The following MBD5 variants were observed in gnomAD, a reference collection of about 807,000 sequenced individuals.
MBD5 encodes methyl-CpG-binding domain protein 5.
In MBD5, 13 loss-of-function variants were observed where a neutral mutation model predicts 117.3. The ratio of observed to expected loss-of-function variants is 0.11; its 90% CI spans 0.07 to 0.18. The LOEUF is 0.18. MBD5 is among the 10% of genes least tolerant of loss of function. MBD5 has a pLI of 1.00. For synonymous variants in MBD5, 727 were observed against 766.4 expected, an observed-to-expected ratio of 0.95 and a Z score of 0.85; for missense variants, 1,879 against 2,093.8, an observed-to-expected ratio of 0.90 and a Z score of 2.00.
intron 3 of MBD5, among the ~76,000 whole-genome samples, chr2:148,323,196 T>G (rs1418746101): frequency 1.3e-5 from 2 of 152,112 alleles, no homozygotes; most frequent in African/African-American, 2.4e-5. Flanking sequence ...TATGGCTGCA[T>G]AGTATTCCAT....
At chr2:148,091,685 G>A (rs1663807675) in intron 1 of MBD5, among the ~76,000 whole-genome samples, 1 of 152,044 alleles carries the variant, frequency 6.6e-6, no homozygotes, top group African/African-American at 2.4e-5. Context: ...TTAAATATAA[G>A]ACCTGAAACC....
chr2:148,314,570 G>A (rs568054848), intron 3 of MBD5, among the ~76,000 whole-genome samples: 1 of 151,936 alleles, frequency 6.6e-6, no homozygotes, highest in African/African-American at 2.4e-5. Context: ...TAGAGATGGG[G>A]TTTCACCATT....
chr2:148,234,568 C>A (rs1700052693), intron 3 of MBD5, among the ~76,000 whole-genome samples: 1 of 152,124 alleles, frequency 6.6e-6, no homozygotes, highest in South Asian at 2.1e-4. Flanking sequence ...ACAATTATAA[C>A]AATAGTATTA....
intron 4 of MBD5, among the ~76,000 whole-genome samples, chr2:148,445,839 A>T (rs1437553123): frequency 6.6e-6 from 1 of 151,428 alleles, no homozygotes; most frequent in Admixed American, 6.6e-5. Context: ...AACTGGTGTG[A>T]GATGGTATCT....
At chr2:148,181,236 A>G (rs1373430102) in intron 2 of MBD5, among the ~76,000 whole-genome samples, 1 of 152,162 alleles carries the variant, frequency 6.6e-6, no homozygotes, top group African/African-American at 2.4e-5. Flanking sequence ...CTACATGGTA[A>G]TCCACAGTAT....
chr2:148,296,627 T>C, intron 3 of MBD5: 1 of 173,438 alleles, frequency 5.8e-6, no homozygotes, highest in Admixed American at 6.0e-5. Context: ...AATCTCTTTC[T>C]CTAATGCTGA....
At chr2:148,328,549 C>T (rs960597651) in intron 3 of MBD5, among the ~76,000 whole-genome samples, 3 of 152,228 alleles carry the variant, frequency 2.0e-5, no homozygotes, top group Admixed American at 1.3e-4. Flanking sequence ...CCTGGTGCAC[C>T]GCTTTTTAAG....
At chr2:148,313,806 G>A (rs1388890401) in intron 3 of MBD5, among the ~76,000 whole-genome samples, 1 of 152,184 alleles carries the variant, frequency 6.6e-6, no homozygotes, top group East Asian at 1.9e-4. Flanking sequence ...TGCAGGTTGT[G>A]AAGACCATGG....
Position 148,469,278 on chromosome 2 carries a change from G to A in MBD5, c.1335G>A (p.Met445Ile). 2 of 1,613,912 alleles carry A rather than the reference G, an allele frequency of 1.2e-6. No homozygotes were observed. Among genetic ancestry groups the A allele is most frequent in the East Asian group, 2.2e-5 (1 of 44,834 alleles). ...CTCCAGTGACATCCCCCGTGCACAT[G>A]ATGGGGACTGGAATTGGAAGGATTG... The part of the protein sequence containing the change: ...SPSPVTSPVH[M>I]MGTGIGRIEA... The change falls in exon 8 of 14, where the codon ATG becomes ATA. Residue 445 changes from methionine (M) to isoleucine (I), a missense_variant. By Grantham distance (10) the Met-to-Ile change is conservative. Around this residue, in one of 4 missense-constraint regions of MBD5, gnomAD observed 1,666 missense variants for 1,792.2 expected, o/e 0.93. Coordinates refer to ENST00000642680, the MANE Select transcript of MBD5 (RefSeq NM_001378120.1).
At chr2:148,317,277 G>A (rs535941692) in intron 3 of MBD5, among the ~76,000 whole-genome samples, 4 of 152,214 alleles carry the variant, frequency 2.6e-5, no homozygotes, top group Admixed American at 2.6e-4. Context: ...GCTGAGGCAG[G>A]AGAATCACTT....
At chr2:148,081,934 T>C (rs1695657815) in intron 1 of MBD5, among the ~76,000 whole-genome samples, 1 of 152,234 alleles carries the variant, frequency 6.6e-6, no homozygotes, top group Non-Finnish European at 1.5e-5. Flanking sequence ...GTAAGTAATC[T>C]TGCCCATAGC....
At chr2:148,498,329 G>T (rs940047655) in intron 11 of MBD5, among the ~76,000 whole-genome samples, 1 of 152,156 alleles carries the variant, frequency 6.6e-6, no homozygotes, top group Non-Finnish European at 1.5e-5. Flanking sequence ...CTATTTAAAA[G>T]TGATCTAGGA....
intron 3 of MBD5, chr2:148,296,014 AC>A (rs765134515): frequency 1.8e-5 from 3 of 162,986 alleles, no homozygotes; most frequent in Non-Finnish European, 2.7e-5. Flanking sequence ...GTTGCTAAAA[AC>A]CCTTAAACAG....
At chr2:148,136,639 C>G (rs1464631092) in intron 1 of MBD5, among the ~76,000 whole-genome samples, 1 of 152,192 alleles carries the variant, frequency 6.6e-6, no homozygotes, top group Non-Finnish European at 1.5e-5. Context: ...AATAAAGTTA[C>G]TTGGCTAACA....
In MBD5 at chr2:148,240,163, G is replaced by A. The variant is rs531046802; in HGVS notation, c.-680+6768G>A. 4.5e-4 allele frequency among the ~76,000 whole-genome samples: 68 copies of A among 152,160 alleles called. No individual in the cohort carries two copies. The Middle Eastern group carries it at 0.017, about 38-fold the overall frequency. ...ACCATTATTCTGAGCAAACTATCGC[G>A]AGGACAGAAAACCAAACACTGCATG... On this transcript the variant is annotated intron_variant, in intron 3 of 13. Transcript: ENST00000642680.
At chr2:148,214,995 C>T (rs1699517125) in intron 2 of MBD5, among the ~76,000 whole-genome samples, 1 of 152,144 alleles carries the variant, frequency 6.6e-6, no homozygotes, top group Non-Finnish European at 1.5e-5. Context: ...TTTATTATTG[C>T]TCTTAAACTT....
At chr2:148,407,520 A>T (rs1356304738) in intron 4 of MBD5, among the ~76,000 whole-genome samples, 2 of 152,150 alleles carry the variant, frequency 1.3e-5, no homozygotes, top group Non-Finnish European at 2.9e-5. Context: ...AATATGAATT[A>T]GCATGGGATT....
At chr2:148,508,621 T>C (rs1315310390) in intron 12 of MBD5, among the ~76,000 whole-genome samples, 1 of 152,162 alleles carries the variant, frequency 6.6e-6, no homozygotes, top group Admixed American at 6.6e-5. Flanking sequence ...CTCTGCATTT[T>C]AAAATTTCTA....
At chr2:148,083,679 GT>G (rs111752798) in intron 1 of MBD5, among the ~76,000 whole-genome samples, 10 of 152,032 alleles carry the variant, frequency 6.6e-5, no homozygotes, top group African/African-American at 2.2e-4. Context: ...CCAGGCTGTA[GT>G]GCAGTCGCGC....
Sources: allele counts gnomAD v4.1 joint callset (sites outside exome capture counted in the v4.1 genomes callset), GRCh38; gene constraint gnomAD v4.1.1; regional missense constraint gnomAD v4.1.1; transcripts MANE v1.5; gene names NCBI Gene and HGNC (gene_info 2026-07-23, HGNC 2026-07-21).